Variants in NAA30 observed in about 807,000 individuals in gnomAD.
The protein encoded by NAA30 is N-alpha-acetyltransferase 30, NatC catalytic subunit, also known as N-alpha-acetyltransferase 30.
A neutral mutation model predicts 31.4 loss-of-function variants in NAA30; 5 were observed. The observed-to-expected ratio is 0.16, with a 90% CI of 0.08 to 0.33. The LOEUF is 0.33. Among genes scored for constraint, NAA30 ranks in the 10% least tolerant of loss-of-function variants. NAA30 has a pLI of 1.00. For synonymous variants in NAA30, 222 were observed against 207.1 expected, an observed-to-expected ratio of 1.07 and a Z score of -0.62; for missense variants, 428 against 490.8, an observed-to-expected ratio of 0.87 and a Z score of 1.21.
chr14:57,402,858 G>A (rs1013793265), intron 4 of NAA30, among the ~76,000 whole-genome samples: 2 of 152,168 alleles, frequency 1.3e-5, no homozygotes, highest in African/African-American at 2.4e-5. Flanking sequence ...TACAAAGAGA[G>A]AGATTTTAAA....
chr14:57,410,045 A>G lies in NAA30; in HGVS notation c.*529A>G, dbSNP rs979159571. The G allele has an allele frequency of 1.9e-4, 29 of 152,634 alleles. No homozygotes were observed. The highest frequency in any genetic ancestry group is 1.5e-5 in the Non-Finnish European group (1 of 68,046). 9.5% of individuals were successfully genotyped at this position (152,634 alleles called of 1,614,324 possible). On this transcript the variant is annotated 3_prime_UTR_variant, in exon 5 of 5. Coordinates refer to ENST00000556492, the MANE Select transcript of NAA30 (RefSeq NM_001011713.3). ...TGAATGAAAAAAATGTAGGGTGGGTATGTCTTACAATGAGTAAAGGTAACA... is the reference window on the plus strand; with the variant it reads ...TGAATGAAAAAAATGTAGGGTGGGTGTGTCTTACAATGAGTAAAGGTAACA...
chr14:57,406,876 G>C (rs1464911295), intron 4 of NAA30, among the ~76,000 whole-genome samples: 1 of 152,070 alleles, frequency 6.6e-6, no homozygotes, highest in East Asian at 1.9e-4. Context: ...AATTATGTCT[G>C]TGTGTGTATG....
rs764730467 is a variant in NAA30 at position 57,391,465 on chromosome 14, G to A, written c.508G>A (p.Ala170Thr). Residue 170 changes from alanine (A) to threonine (T), a missense_variant, in exon 2 of 5, where the codon GCC becomes ACC. By Grantham distance (58) the Ala-to-Thr change is moderately conservative. Transcript: ENST00000556492. The surrounding 1 kb of genome is among the most constrained non-coding windows in gnomAD (Gnocchi z 4.1). ...TCCCGCGGCGGCCCGCAATGGACTGGCCGAGGGCACCGAGCAGGAGGAGGA... is the reference window on the plus strand; with the variant it reads ...TCCCGCGGCGGCCCGCAATGGACTGACCGAGGGCACCGAGCAGGAGGAGGA... Reference protein sequence around the residue: ...SDPAAARNGLAEGTEQEEEEE... With the variant: ...SDPAAARNGLTEGTEQEEEEE... 2.5e-6 allele frequency: 4 copies of A among 1,611,326 alleles called. No individual in the cohort carries two copies. The East Asian group carries it at 6.7e-5, about 27-fold the overall frequency.
In NAA30 at chr14:57,406,426, G is replaced by C. The variant is rs1281943874; in HGVS notation, c.952-2953G>C. On this transcript the variant is annotated intron_variant, in intron 4 of 4. Transcript: ENST00000556492. Reference sequence around the variant, plus strand: ...TTGCTTTACTTTGGGAAATGAGGGGGAGGTACAGTAGAGTAGTTACTATTA... The same window carrying C: ...TTGCTTTACTTTGGGAAATGAGGGGCAGGTACAGTAGAGTAGTTACTATTA... Among the ~76,000 whole-genome samples, 9 of 152,278 alleles carry C rather than the reference G, an allele frequency of 5.9e-5. No homozygotes were observed. In the East Asian group the frequency reaches 1.7e-3, roughly 29 times the overall value.
intron 2 of NAA30, 99 bp from the exon 3 acceptor site, chr14:57,396,653 G>A (rs1411581990): frequency 5.7e-5 from 73 of 1,283,282 alleles, no homozygotes; most frequent in South Asian, 1.8e-4. Flanking sequence ...ATCTTCCCCC[G>A]TCGAAAATGC....
Position 57,390,877 on chromosome 14 carries a change from C to T in NAA30, c.-1-80C>T, listed in dbSNP as rs1407752689. Reference sequence around the variant, plus strand: ...GCCTTTGTTCCCCCCACCTCGGCCGCCCCCCATCCGTCGCCCCCTGTTCTC... The same window carrying T: ...GCCTTTGTTCCCCCCACCTCGGCCGTCCCCCATCCGTCGCCCCCTGTTCTC... On this transcript the variant is annotated intron_variant, in intron 1 of 4. Coordinates refer to ENST00000556492, the MANE Select transcript of NAA30 (RefSeq NM_001011713.3). The T allele has an allele frequency of 1.6e-4, 228 of 1,409,156 alleles. 2 individuals carry two copies. The highest frequency in any genetic ancestry group is 1.5e-4 in the Admixed American group (5 of 32,526). 87.3% of individuals were successfully genotyped at this position (1,409,156 alleles called of 1,614,324 possible). A position where few individuals can be genotyped will look rare whatever the true frequency, so the allele number is the denominator to read the frequency against.
intron 4 of NAA30, among the ~76,000 whole-genome samples, chr14:57,406,711 T>A (rs1025493122): frequency 4.6e-5 from 7 of 152,232 alleles, no homozygotes; most frequent in African/African-American, 1.7e-4. Flanking sequence ...GTTTCTCATA[T>A]TAAATTGCTT....
Position 57,411,037 on chromosome 14 carries a change from C to T in NAA30, c.*1521C>T, listed in dbSNP as rs1594754608. The stretch of plus-strand genomic sequence containing the variant: ...TACCTCCATTAACAGTTGGTAAAGG[C>T]CCCTTTTCAGGAAAGTTTGTTGCTT... On this transcript the variant is annotated 3_prime_UTR_variant, in exon 5 of 5. Transcript: ENST00000556492. The T allele has an allele frequency of 6.7e-6, 1 of 149,682 alleles. No homozygotes were observed. Among genetic ancestry groups the T allele is most frequent in the African/African-American group, 2.4e-5 (1 of 40,828 alleles). 9.3% of individuals were successfully genotyped at this position (149,682 alleles called of 1,614,324 possible). A position where few individuals can be genotyped will look rare whatever the true frequency, so the allele number is the denominator to read the frequency against.
chr14:57,401,512 G>A lies in NAA30; in HGVS notation c.951+1629G>A, dbSNP rs80147516. Among the ~76,000 whole-genome samples, 123 of 152,282 alleles carry A rather than the reference G, an allele frequency of 8.1e-4. No homozygotes were observed. The East Asian group carries it at 0.01, about 12-fold the overall frequency. On this transcript the variant is annotated intron_variant, in intron 4 of 4. Coordinates refer to ENST00000556492, the MANE Select transcript of NAA30 (RefSeq NM_001011713.3). ...TGGATCAGATATGTTCATGAGTATA[G>A]GTCCATGTTTGGACCATAGCCACAC...
In NAA30 at chr14:57,411,401, G is replaced by C. The variant is rs181300393; in HGVS notation, c.*1885G>C. ...TGATGCTTTTGTTATTTAATATGAA[G>C]GAAATGGAACTAAAACATTTATGTC... On this transcript the variant is annotated 3_prime_UTR_variant, in exon 5 of 5. Coordinates refer to ENST00000556492, the MANE Select transcript of NAA30 (RefSeq NM_001011713.3). The C allele has an allele frequency of 6.6e-6, 1 of 152,048 alleles. No homozygotes were observed. Among genetic ancestry groups the C allele is most frequent in the Non-Finnish European group, 1.5e-5 (1 of 67,920 alleles). The allele number at this position is 152,048 out of a possible 1,614,324, so 9.4% of individuals were successfully genotyped here.
At chr14:57,400,165 C>T (rs957409545) in intron 4 of NAA30, among the ~76,000 whole-genome samples, 2 of 152,126 alleles carry the variant, frequency 1.3e-5, no homozygotes, top group African/African-American at 4.8e-5. Context: ...TTTAAGGTAG[C>T]TCTTATTACA....
intron 3 of NAA30, among the ~76,000 whole-genome samples, chr14:57,397,601 T>A (rs1013430738): frequency 2.0e-5 from 3 of 152,194 alleles, no homozygotes; most frequent in Non-Finnish European, 4.4e-5. Context: ...GTTAGATAAC[T>A]TTTGTCATTT....
Position 57,409,909 on chromosome 14 carries a change from AC to A in NAA30, c.*394del, listed in dbSNP as rs1430125837. 1 of 157,124 alleles carries A rather than the reference AC, an allele frequency of 6.4e-6. No homozygotes were observed. The highest frequency in any genetic ancestry group is 2.4e-5 in the African/African-American group (1 of 41,672). The allele number at this position is 157,124 out of a possible 1,614,324, so 9.7% of individuals were successfully genotyped here. On this transcript the variant is annotated 3_prime_UTR_variant, in exon 5 of 5. Transcript: ENST00000556492. ...GTCTTTAAGTATACTAACATTTCACACAAAACCTGCCCTAGTTTTCTGAAGT... is the reference window on the plus strand; with the variant it reads ...GTCTTTAAGTATACTAACATTTCACAAAAACCTGCCCTAGTTTTCTGAAGT...
chr14:57,400,198 A>G (rs1355158772), intron 4 of NAA30, among the ~76,000 whole-genome samples: 2 of 152,228 alleles, frequency 1.3e-5, no homozygotes, highest in East Asian at 1.9e-4. Flanking sequence ...ATTTGCTTAC[A>G]TATTGGCCTT....
chr14:57,396,103 T>C (rs978357562), intron 2 of NAA30, among the ~76,000 whole-genome samples: 7 of 152,154 alleles, frequency 4.6e-5, no homozygotes, highest in African/African-American at 1.4e-4. Context: ...GCTTTCCAAG[T>C]AGCTGGAACT....
At chr14:57,400,898 T>TGG (rs2066473422) in intron 4 of NAA30, among the ~76,000 whole-genome samples, 1 of 101,774 alleles carries the variant, frequency 9.8e-6, no homozygotes, top group Non-Finnish European at 2.2e-5. Context: ...TTTTTTTTGT[T>TGG]TTTTTTTTGT....
intron 4 of NAA30, among the ~76,000 whole-genome samples, chr14:57,402,369 A>G (rs890274275): frequency 1.3e-5 from 2 of 152,184 alleles, no homozygotes; most frequent in Non-Finnish European, 2.9e-5. Context: ...TTGTTGCTGT[A>G]TTCTTAGTGC....
At position 57,392,940 on chromosome 14, in the gene NAA30, T is replaced by A. The variant is rs117098334; in HGVS notation, c.771+1212T>A. Among the ~76,000 whole-genome samples, 357 of 152,364 alleles carry A rather than the reference T, an allele frequency of 2.3e-3. 8 individuals are homozygous for A. The East Asian group carries it at 0.057, about 24-fold the overall frequency. On this transcript the variant is annotated intron_variant, in intron 2 of 4. Coordinates refer to ENST00000556492, the MANE Select transcript of NAA30 (RefSeq NM_001011713.3). Reference sequence around the variant, plus strand: ...GTACATTTGTTAAAACTGTGGGTACTACTTTATATTCTTGAAAACTGCTCT... The same window carrying A: ...GTACATTTGTTAAAACTGTGGGTACAACTTTATATTCTTGAAAACTGCTCT...
Position 57,414,904 on chromosome 14 carries a change from G to T in NAA30, c.*5388G>T, listed in dbSNP as rs898849738. ...ATGAAACAGACCTAGAAATAACAAA[G>T]ACCACTGAAGTGCCAAATTTATCTT... is the stretch of plus-strand genomic sequence containing the variant. On this transcript the variant is annotated 3_prime_UTR_variant, in exon 5 of 5. Coordinates refer to ENST00000556492, the MANE Select transcript of NAA30 (RefSeq NM_001011713.3). The T allele has an allele frequency of 6.6e-6, 1 of 152,172 alleles. No homozygotes were observed. Among genetic ancestry groups the T allele is most frequent in the African/African-American group, 2.4e-5 (1 of 41,442 alleles). 9.4% of individuals were successfully genotyped at this position (152,172 alleles called of 1,614,324 possible). A position where few individuals can be genotyped will look rare whatever the true frequency, so the allele number is the denominator to read the frequency against.
Sources: allele counts gnomAD v4.1 joint callset (sites outside exome capture counted in the v4.1 genomes callset), GRCh38; gene constraint gnomAD v4.1.1; non-coding constraint Gnocchi (gnomAD v3.1); transcripts MANE v1.5; gene names NCBI Gene and HGNC (gene_info 2026-07-23, HGNC 2026-07-21).